The following PRELID2 variants were observed in gnomAD, a reference collection of about 807,000 sequenced individuals.
PRELID2 encodes the protein PRELI domain-containing protein 2.
PRELID2 carries 25 observed loss-of-function variants against 28.4 expected under a neutral mutation model. That is an observed-to-expected ratio of 0.88 (90% CI 0.64 to 1.23). The LOEUF (loss-of-function observed/expected upper bound fraction) is 1.23, where lower values mean the gene tolerates loss of function less well. Among genes scored for constraint, PRELID2 ranks in the 50% most tolerant of loss-of-function variants. PRELID2 has a pLI of 0.00. For synonymous variants in PRELID2, 76 were observed against 71.6 expected (o/e 1.06, Z -0.31); for missense variants, 201 against 214.4 (o/e 0.94, Z 0.39).
chr5:145,473,835 C>A (rs1752076136), intron 1 of PRELID2, among the ~76,000 whole-genome samples: 1 of 152,140 alleles, frequency 6.6e-6, no homozygotes, highest in African/African-American at 2.4e-5. Flanking sequence ...ATAACAATCA[C>A]CCCTTGGGAT....
At chr5:145,398,978 A>C in the PRELID2 span, among the ~76,000 whole-genome samples, 1 of 152,084 alleles carries the variant, frequency 6.6e-6, no homozygotes, top group Non-Finnish European at 1.5e-5. Context: ...GTGAAGAAAA[A>C]ACTTGATATA....
chr5:145,451,955 A>T, the PRELID2 span, among the ~76,000 whole-genome samples: 1 of 152,178 alleles, frequency 6.6e-6, no homozygotes, highest in Admixed American at 6.5e-5. Context: ...CCATCCCCAG[A>T]TTGGAAGACC....
intron 1 of PRELID2, among the ~76,000 whole-genome samples, chr5:145,554,207 C>A (rs981223793): frequency 4.6e-5 from 7 of 152,088 alleles, no homozygotes; most frequent in African/African-American, 1.7e-4. Context: ...TGTGCCTGCC[C>A]AACAACGAGG....
the PRELID2 span, among the ~76,000 whole-genome samples, chr5:145,250,360 C>A: frequency 6.6e-6 from 1 of 152,046 alleles, no homozygotes; most frequent in Non-Finnish European, 1.5e-5. Context: ...TTATTCTGTG[C>A]CAATGGTGCT....
the PRELID2 span, among the ~76,000 whole-genome samples, chr5:145,401,167 A>G: frequency 6.6e-6 from 1 of 152,122 alleles, no homozygotes; most frequent in African/African-American, 2.4e-5. Flanking sequence ...AATTTCAAGG[A>G]CCTAAAAATG....
rs564333035 is a variant in PRELID2, at chr5:145,806,778, T to C, written c.369-10231A>G. On this transcript the variant is annotated intron_variant, in intron 4 of 6. Coordinates refer to ENST00000683046, the MANE Select transcript of PRELID2 (RefSeq NM_205846.3). ...ACAGTGAGAGAGTTCTCATGAGATC[T>C]GATGGTTTTAAAAGTGGCAGTTTCC... is the stretch of plus-strand genomic sequence containing the variant. Among the ~76,000 whole-genome samples, 40 of 152,262 alleles carry C rather than the reference T, an allele frequency of 2.6e-4. No homozygotes were observed. In the South Asian group the frequency reaches 7.9e-3, roughly 30 times the overall value.
intron 1 of PRELID2, among the ~76,000 whole-genome samples, chr5:145,738,722 A>G (rs1756566705): frequency 6.6e-6 from 1 of 152,176 alleles, no homozygotes; most frequent in Non-Finnish European, 1.5e-5. Context: ...TCCTGTCATC[A>G]TAATTCCAAG....
At chr5:145,234,270 C>G in the PRELID2 span, among the ~76,000 whole-genome samples, 60 of 152,272 alleles carry the variant, frequency 3.9e-4, no homozygotes, top group African/African-American at 1.4e-3. Flanking sequence ...AGTGCTTACT[C>G]TGGCCCAAAC....
the PRELID2 span, among the ~76,000 whole-genome samples, chr5:145,411,837 G>A: frequency 6.6e-6 from 1 of 152,212 alleles, no homozygotes; most frequent in Non-Finnish European, 1.5e-5. Context: ...AATCTAGGTG[G>A]AGGTTCCCAA....
chr5:145,614,801 C>A (rs1373444967), intron 1 of PRELID2, among the ~76,000 whole-genome samples: 1 of 152,124 alleles, frequency 6.6e-6, no homozygotes, highest in Non-Finnish European at 1.5e-5. Flanking sequence ...TTGTCCTTAC[C>A]AATTTGGATA....
chr5:145,301,602 C>T, the PRELID2 span, among the ~76,000 whole-genome samples: 2 of 152,160 alleles, frequency 1.3e-5, no homozygotes, highest in Non-Finnish European at 2.9e-5. Flanking sequence ...CAAAGTTACT[C>T]TCCTGGATTT....
rs1220347337 is a variant in PRELID2, at chr5:145,758,188, T to G, written c.*2348A>C. ...GAGATTTTTTTTTTAATTCTGTCTT[T>G]TCTTAGAAAATTGGAAATAGGAAAT... On this transcript the variant is annotated 3_prime_UTR_variant, in exon 7 of 7. Transcript: ENST00000683046. 6.6e-6 allele frequency among the ~76,000 whole-genome samples: 1 copy of G among 152,076 alleles called. No homozygotes were observed. The highest frequency in any genetic ancestry group is 1.5e-5 in the Non-Finnish European group (1 of 68,012).
the PRELID2 span, among the ~76,000 whole-genome samples, chr5:145,446,684 G>A: frequency 2.6e-5 from 4 of 152,076 alleles, no homozygotes; most frequent in South Asian, 2.1e-4. Flanking sequence ...TCATCTTCAT[G>A]AGCCACATAC....
downstream of PRELID2, among the ~76,000 whole-genome samples, chr5:145,752,482 C>A (rs960020012): frequency 6.6e-6 from 1 of 152,166 alleles, no homozygotes; most frequent in Non-Finnish European, 1.5e-5. Context: ...AGAAAAGCGT[C>A]ATTAAACTTT....
chr5:145,537,850 C>T (rs1170100725), intron 1 of PRELID2, among the ~76,000 whole-genome samples: 1 of 151,510 alleles, frequency 6.6e-6, no homozygotes, highest in Non-Finnish European at 1.5e-5. Flanking sequence ...TGATGTAATC[C>T]CATTTGCCTA....
chr5:145,834,988 C>G (rs901449781), intron 1 of PRELID2, 189 bp downstream of exon 1: 6 of 517,268 alleles, frequency 1.2e-5, no homozygotes, highest in Admixed American at 3.4e-5. Flanking sequence ...ATGCCAAGCA[C>G]GGCCCCTTTT....
rs955000915 is a variant in PRELID2 at position 145,525,649 on chromosome 5, C to T, written n.71-52334G>A. 3.3e-5 allele frequency among the ~76,000 whole-genome samples: 5 copies of T among 152,172 alleles called. No individual in the cohort carries two copies. The East Asian group carries it at 9.6e-4, about 29-fold the overall frequency. On this transcript the variant is annotated intron_variant and non_coding_transcript_variant, in intron 1 of 2. Transcript: ENST00000510259. The stretch of plus-strand genomic sequence containing the variant: ...TCTCTGTCTTTTAAACCCAGTGCTT[C>T]TCTCCTCAGGCAAAAATTAAGTTTT...
the PRELID2 span, among the ~76,000 whole-genome samples, chr5:145,292,265 C>G: frequency 1.3e-5 from 2 of 152,112 alleles, no homozygotes; most frequent in Non-Finnish European, 2.9e-5. Flanking sequence ...GGTATGCTTT[C>G]TATATCAGCT....
chr5:145,464,759 A>G, the PRELID2 span, among the ~76,000 whole-genome samples: 1 of 152,192 alleles, frequency 6.6e-6, no homozygotes, highest in African/African-American at 2.4e-5. Context: ...ATTGGTTGGC[A>G]TCTTCTTTGA....
Sources: gnomAD v4.1 joint callset for allele counts (sites outside exome capture counted in the v4.1 genomes callset) on GRCh38, gnomAD v4.1.1 for gene constraint, MANE v1.5 for transcripts, NCBI Gene and HGNC (gene_info 2026-07-23, HGNC 2026-07-21) for gene names.